The following CALN1 variants were observed in gnomAD, a reference collection of about 807,000 sequenced individuals.
CALN1 encodes calneuron 1.
CALN1 carries 17 observed loss-of-function variants against 30.6 expected under a neutral mutation model. The observed-to-expected ratio is 0.56, with a 90% CI of 0.38 to 0.83. CALN1 has a LOEUF of 0.83. Among genes scored for constraint, CALN1 ranks in the 40% least tolerant of loss-of-function variants. The pLI, the probability that CALN1 is intolerant of heterozygous loss-of-function variation, is 0.00. For missense variants in CALN1, 291 were observed against 354.9 expected (o/e 0.82, Z 1.45); for synonymous variants, 156 against 131.4 (o/e 1.19, Z -1.28).
At chr7:72,317,188 G>A (rs1263670888) in intron 2 of CALN1, among the ~76,000 whole-genome samples, 1 of 125,512 alleles carries the variant, frequency 8.0e-6, no homozygotes, top group Non-Finnish European at 1.7e-5. Context: ...AAGGAGGCAG[G>A]AGGGGAGGGA....
Position 72,228,958 on chromosome 7 carries a change from T to TG in CALN1, c.244+49727dup, listed in dbSNP as rs373329102. Among the ~76,000 whole-genome samples the TG allele has an allele frequency of 2.3e-5, 3 of 132,086 alleles. No homozygotes were observed. In the East Asian group the frequency reaches 6.7e-4, roughly 29 times the overall value. The allele number at this position is 132,086 out of a possible 152,430, so 86.7% of individuals were successfully genotyped here. A position where few individuals can be genotyped will look rare whatever the true frequency, so the allele number is the denominator to read the frequency against. On this transcript the variant is annotated intron_variant, in intron 3 of 6. Coordinates refer to ENST00000395275, the MANE Select transcript of CALN1 (RefSeq NM_031468.4). ...TTTTTTTTTGTAGAGATGTTGGTGG[T>TG]GGGGGGCGGGGATCTCACTATGTTG... is the stretch of plus-strand genomic sequence containing the variant.
At chr7:72,367,058 CAA>C (rs1334355732) in intron 2 of CALN1, among the ~76,000 whole-genome samples, 1 of 151,884 alleles carries the variant, frequency 6.6e-6, no homozygotes, top group African/African-American at 2.4e-5. Flanking sequence ...AATGTTGAGT[CAA>C]AGACGACAGA....
At chr7:72,193,850 G>C (rs554714278) in intron 3 of CALN1, among the ~76,000 whole-genome samples, 3 of 152,264 alleles carry the variant, frequency 2.0e-5, no homozygotes, top group African/African-American at 7.2e-5. Context: ...TAAGTGAAGC[G>C]ACTCAGGGAT....
chr7:72,464,238 G>A, the CALN1 span, among the ~76,000 whole-genome samples: 1 of 152,166 alleles, frequency 6.6e-6, no homozygotes, highest in Non-Finnish European at 1.5e-5. Flanking sequence ...AAGCACAGGA[G>A]TTCAAGGCTG....
intron 2 of CALN1, among the ~76,000 whole-genome samples, chr7:72,315,505 G>A (rs977600302): frequency 3.3e-5 from 5 of 152,048 alleles, no homozygotes; most frequent in South Asian, 2.1e-4. Flanking sequence ...CCGGGAGTTC[G>A]GGACCAGCCT....
chr7:72,332,766 C>T (rs1342123461), intron 2 of CALN1, among the ~76,000 whole-genome samples: 2 of 152,084 alleles, frequency 1.3e-5, no homozygotes, highest in African/African-American at 2.4e-5. Context: ...TTGCTTGCAA[C>T]CCAAGGATCC....
intron 5 of CALN1, among the ~76,000 whole-genome samples, chr7:71,827,775 A>AAAAT (rs10646245): frequency 0.47 from 65,877 of 140,008 alleles, 16,556 homozygotes; most frequent in East Asian, 0.63. Context: ...CCATCTTAAA[A>AAAAT]AAATAAATAA....
At position 72,278,723 on chromosome 7, in the gene CALN1, G is replaced by T. The variant is rs771199197; in HGVS notation, c.207C>A (p.Ser69Arg). 1.2e-6 allele frequency: 2 copies of T among 1,613,794 alleles called. No homozygotes were observed. Among genetic ancestry groups the T allele is most frequent in the Non-Finnish European group, 1.7e-6 (2 of 1,179,904 alleles). Residue 69 changes from serine to arginine, a missense_variant, in exon 3 of 7, where the codon AGC becomes AGA. Transcript: ENST00000395275. ...CCACGGAGATATTAGCCAGCTGTTC[G>T]CTGTCACTGCCAGCAGAGAGCGATC... Reference protein sequence around the residue: ...LNRSLSAGSDSEQLANISVEE... With the variant: ...LNRSLSAGSDREQLANISVEE...
At chr7:72,194,287 C>T (rs1296508395) in intron 3 of CALN1, among the ~76,000 whole-genome samples, 1 of 152,082 alleles carries the variant, frequency 6.6e-6, no homozygotes, top group Admixed American at 6.6e-5. Context: ...CCCAGCACTT[C>T]GGGAGGCCGA....
At chr7:72,409,503 T>C (rs1423742853) in intron 1 of CALN1, among the ~76,000 whole-genome samples, 2 of 144,912 alleles carry the variant, frequency 1.4e-5, no homozygotes, top group Admixed American at 6.9e-5. Flanking sequence ...CTGAGTGGAC[T>C]GGCCAACCTC....
chr7:72,258,507 T>C (rs951562790), intron 3 of CALN1, among the ~76,000 whole-genome samples: 1 of 152,220 alleles, frequency 6.6e-6, no homozygotes, highest in East Asian at 1.9e-4. Flanking sequence ...ACCAGATTAA[T>C]TGAGCACAAA....
At chr7:72,336,015 C>T (rs920973432) in intron 2 of CALN1, among the ~76,000 whole-genome samples, 3 of 152,210 alleles carry the variant, frequency 2.0e-5, no homozygotes, top group Admixed American at 6.5e-5. Context: ...ATCCCACCCC[C>T]ACCTGGGCGC....
chr7:72,362,261 T>A (rs930615227), intron 2 of CALN1, among the ~76,000 whole-genome samples: 2 of 152,232 alleles, frequency 1.3e-5, no homozygotes, highest in Non-Finnish European at 2.9e-5. Context: ...ACCAATTTGA[T>A]GACTTTTGAT....
chr7:71,918,112 A>G (rs1182670548), intron 5 of CALN1, among the ~76,000 whole-genome samples: 2 of 152,220 alleles, frequency 1.3e-5, no homozygotes, highest in Non-Finnish European at 2.9e-5. Context: ...ATAAGGATCA[A>G]ATTAAATCAT....
At chr7:71,919,119 C>T (rs1303111201) in intron 5 of CALN1, among the ~76,000 whole-genome samples, 2 of 152,186 alleles carry the variant, frequency 1.3e-5, no homozygotes, top group Non-Finnish European at 2.9e-5. Context: ...TGAGGGCTGT[C>T]TTTGCCATCA....
At chr7:72,308,174 G>A (rs1799779533) in intron 2 of CALN1, among the ~76,000 whole-genome samples, 1 of 152,094 alleles carries the variant, frequency 6.6e-6, no homozygotes, top group Admixed American at 6.6e-5. Context: ...GGCCATCCCC[G>A]CCAACATGGC....
intron 5 of CALN1, among the ~76,000 whole-genome samples, chr7:71,813,914 G>A (rs1013174803): frequency 1.4e-5 from 2 of 144,792 alleles, no homozygotes; most frequent in African/African-American, 5.2e-5. Flanking sequence ...CTGGGTGACA[G>A]AGCGAGACTC....
chr7:72,175,465 A>G (rs1489191241), intron 3 of CALN1, among the ~76,000 whole-genome samples: 1 of 152,206 alleles, frequency 6.6e-6, no homozygotes, highest in African/African-American at 2.4e-5. Flanking sequence ...GAGGAGCATC[A>G]TGACTGTCCT....
At chr7:72,100,162 TTG>T (rs1284168318) in intron 4 of CALN1, among the ~76,000 whole-genome samples, 3 of 64,420 alleles carry the variant, frequency 4.7e-5, no homozygotes, top group South Asian at 1.9e-3. Context: ...TTGAGTTTTT[TTG>T]TTTTTTTTTT....
Sources: gnomAD v4.1 joint callset for allele counts (sites outside exome capture counted in the v4.1 genomes callset) on GRCh38, gnomAD v4.1.1 for gene constraint, MANE v1.5 for transcripts, NCBI Gene and HGNC (gene_info 2026-07-23, HGNC 2026-07-21) for gene names.